The following TESMIN variants were observed in gnomAD, a reference collection of about 807,000 sequenced individuals.
TESMIN encodes testis expressed metallothionein like protein.
A neutral mutation model predicts 47.4 loss-of-function variants in TESMIN; 34 were observed. The ratio of observed to expected loss-of-function variants is 0.72; its 90% confidence interval spans 0.55 to 0.96. TESMIN has a LOEUF of 0.96. TESMIN is among the 40% of genes least tolerant of loss of function. The pLI, the probability that TESMIN is intolerant of heterozygous loss-of-function variation, is 0.00. For missense variants in TESMIN, 610 were observed against 637.2 expected (o/e 0.96, Z 0.46); for synonymous variants, 278 against 258.9 (o/e 1.07, Z -0.71).
chr11:68,708,592 G>A, intron 9 of TESMIN, 92 bp from the exon 10 acceptor site: 2 of 1,176,264 alleles, frequency 1.7e-6, no homozygotes, highest in Non-Finnish European at 2.3e-6. Context: ...GCTTGTCCAT[G>A]CTATTTTAAA....
intron 6 of TESMIN, among the ~76,000 whole-genome samples, chr11:68,724,908 A>T (rs1451149489): frequency 6.6e-6 from 1 of 152,206 alleles, no homozygotes; most frequent in Non-Finnish European, 1.5e-5. Context: ...AATTTTAGAA[A>T]TATTTAGAAT....
At chr11:68,725,681 C>T (rs943154221) in intron 6 of TESMIN, among the ~76,000 whole-genome samples, 2 of 151,968 alleles carry the variant, frequency 1.3e-5, no homozygotes, top group African/African-American at 2.4e-5. Context: ...CTATGTTGTC[C>T]AGGCTGGTCT....
chr11:68,731,523 G>A (rs1248965972), intron 6 of TESMIN, among the ~76,000 whole-genome samples: 1 of 152,172 alleles, frequency 6.6e-6, no homozygotes, highest in African/African-American at 2.4e-5. Context: ...CCTGTATACA[G>A]CAGAGACTCC....
At chr11:68,713,191 A>C (rs1197502112) in intron 8 of TESMIN, 79 bp downstream of exon 8, 1 of 1,400,594 alleles carries the variant, frequency 7.1e-7, no homozygotes. Context: ...AAATTACAGC[A>C]AAGTTTTTTT....
At chr11:68,749,601 G>A (rs1445974974) in intron 2 of TESMIN, among the ~76,000 whole-genome samples, 1 of 152,190 alleles carries the variant, frequency 6.6e-6, no homozygotes, top group Non-Finnish European at 1.5e-5. Flanking sequence ...CTGAGAGCTG[G>A]CAAGCATTTC....
At chr11:68,746,170 T>TACACACACACACACACACAC (rs56975910) in intron 3 of TESMIN, among the ~76,000 whole-genome samples, 3 of 149,606 alleles carry the variant, frequency 2.0e-5, no homozygotes, top group African/African-American at 7.3e-5. Flanking sequence ...AAGTTATAGC[T>TACACACACACACACACACAC]ACACACACAC....
intron 6 of TESMIN, among the ~76,000 whole-genome samples, chr11:68,730,058 C>T (rs995132044): frequency 5.9e-5 from 9 of 152,312 alleles, no homozygotes; most frequent in Non-Finnish European, 8.8e-5. Context: ...ACCCTCCCTC[C>T]ACCAGCTAGA....
At chr11:68,705,274 A>T (rs866890471), downstream of TESMIN, among the ~76,000 whole-genome samples, 20 of 152,170 alleles carry the variant, frequency 1.3e-4, no homozygotes, top group South Asian at 4.1e-4. Flanking sequence ...TTTATCTTGG[A>T]TGAGGGTTCA....
At chr11:68,745,234 G>T in intron 3 of TESMIN, 123 bp from the exon 4 acceptor site, 10 of 724,426 alleles carry the variant, frequency 1.4e-5, no homozygotes, top group African/African-American at 2.2e-5. Context: ...ATGGAAGATA[G>T]AAAACTATAG....
chr11:68,733,020 G>A (rs1321139805), intron 6 of TESMIN: 2 of 152,234 alleles, frequency 1.3e-5, no homozygotes, highest in African/African-American at 4.8e-5. Context: ...GCAGACATAA[G>A]AGCAGAAAGT....
At chr11:68,735,207 C>T (rs1349814476) in intron 6 of TESMIN, among the ~76,000 whole-genome samples, 2 of 152,214 alleles carry the variant, frequency 1.3e-5, no homozygotes, top group Non-Finnish European at 2.9e-5. Flanking sequence ...CTGGCCTGTC[C>T]ACCTGTGGGT....
intron 4 of TESMIN, 116 bp from the exon 5 acceptor site, chr11:68,742,510 T>A (rs1946469151): frequency 1.7e-6 from 1 of 574,566 alleles, no homozygotes; most frequent in Admixed American, 3.6e-5. Flanking sequence ...TTATTTCAAC[T>A]TATCTTGATG....
At chr11:68,730,139 T>G (rs1258002317) in intron 6 of TESMIN, among the ~76,000 whole-genome samples, 3 of 152,230 alleles carry the variant, frequency 2.0e-5, no homozygotes, top group Admixed American at 6.5e-5. Flanking sequence ...AATTAAGGTA[T>G]GTACTTTTTA....
chr11:68,708,512 A>T lies in TESMIN; in HGVS notation c.1335-12T>A. 6.3e-7 allele frequency: 1 copy of T among 1,598,670 alleles called. No homozygotes were observed. The highest frequency in any genetic ancestry group is 1.1e-5 in the South Asian group (1 of 88,260). ...ATGAGGAAGGCCGCCTGTCAGAAAC[A>T]GAGCAGTTAAAGGCCGCTCAACAGT... On this transcript the variant is annotated splice_polypyrimidine_tract_variant and intron_variant, in intron 9 of 9. Coordinates refer to ENST00000255087, the MANE Select transcript of TESMIN (RefSeq NM_004923.3).
At chr11:68,742,764 C>T (rs1000296351) in intron 4 of TESMIN, among the ~76,000 whole-genome samples, 1 of 152,102 alleles carries the variant, frequency 6.6e-6, no homozygotes, top group Non-Finnish European at 1.5e-5. Context: ...CGCTATGTTG[C>T]GAGGCTGGCT....
At chr11:68,709,572 C>T (rs61887054) in intron 9 of TESMIN, among the ~76,000 whole-genome samples, 1 of 152,020 alleles carries the variant, frequency 6.6e-6, no homozygotes, top group East Asian at 1.9e-4. Flanking sequence ...ACCCAGGTGG[C>T]GCTAAGTCGA....
At chr11:68,723,778 A>G (rs1437722826) in intron 6 of TESMIN, among the ~76,000 whole-genome samples, 1 of 152,148 alleles carries the variant, frequency 6.6e-6, no homozygotes, top group Non-Finnish European at 1.5e-5. Context: ...GAAAGTTTTG[A>G]GGATTCAATA....
intron 6 of TESMIN, chr11:68,737,458 C>T: frequency 3.0e-6 from 3 of 985,652 alleles, no homozygotes; most frequent in Non-Finnish European, 3.6e-6. Flanking sequence ...ATTCCAGCCC[C>T]AAACCACTCT....
intron 6 of TESMIN, chr11:68,733,735 T>C (rs1430491537): frequency 6.6e-6 from 1 of 152,206 alleles, no homozygotes; most frequent in Non-Finnish European, 1.5e-5. Flanking sequence ...TCTATAAAGA[T>C]TAAAAAAGAA....
Sources: gnomAD v4.1 joint callset for allele counts (sites outside exome capture counted in the v4.1 genomes callset) on GRCh38, gnomAD v4.1.1 for gene constraint, MANE v1.5 for transcripts, NCBI Gene and HGNC (gene_info 2026-07-23, HGNC 2026-07-21) for gene names.